The following SERINC5 variants were observed in gnomAD, a reference collection of about 807,000 sequenced individuals.
SERINC5 encodes the protein serine incorporator 5.
In SERINC5, 41 loss-of-function variants were observed where a neutral mutation model predicts 63.1. That is an observed-to-expected ratio of 0.65 (90% CI 0.51 to 0.84). The LOEUF (loss-of-function observed/expected upper bound fraction) is 0.84. Among genes scored for constraint, SERINC5 ranks in the 40% least tolerant of loss-of-function variants. The pLI, the probability that SERINC5 is intolerant of heterozygous loss-of-function variation, is 0.00. For missense variants in SERINC5, 523 were observed against 573.0 expected (o/e 0.91, Z 0.89); for synonymous variants, 222 against 215.2 (o/e 1.03, Z -0.28).
intron 1 of SERINC5, among the ~76,000 whole-genome samples, chr5:80,217,233 C>T (rs59409867): frequency 0.19 from 28,262 of 151,948 alleles, 3,270 homozygotes; most frequent in African/African-American, 0.33. Flanking sequence ...GGCAGAAACC[C>T]TGCTCGTTCT....
Position 80,163,656 on chromosome 5 carries a change from G to GT in SERINC5, c.859+2726dup, listed in dbSNP as rs60267681. On this transcript the variant is annotated intron_variant, in intron 7 of 11. Transcript: ENST00000507668. ...TAATTCTGTTTATGTAATATGTAAT[G>GT]TATGATGTATCATATTTATTAATTT... 9.3e-3 allele frequency among the ~76,000 whole-genome samples: 1,407 copies of GT among 151,934 alleles called. 21 individuals carry two copies. Among genetic ancestry groups the GT allele is most frequent in the African/African-American group, 0.032 (1,335 of 41,432 alleles).
At chr5:80,182,554 C>CCT (rs1554065203) in intron 2 of SERINC5, among the ~76,000 whole-genome samples, 8 of 48,392 alleles carry the variant, frequency 1.7e-4, no homozygotes, top group African/African-American at 9.3e-4. Flanking sequence ...GCCCCCCCCC[C>CCT]CTCCGCTTTT....
chr5:80,186,598 T>TA (rs1748826741), intron 2 of SERINC5, among the ~76,000 whole-genome samples: 1 of 152,092 alleles, frequency 6.6e-6, no homozygotes, highest in Non-Finnish European at 1.5e-5. Flanking sequence ...AAACAAGTAA[T>TA]AAACTCAACA....
intron 1 of SERINC5, among the ~76,000 whole-genome samples, chr5:80,251,397 G>C (rs937854523): frequency 6.6e-6 from 1 of 151,994 alleles, no homozygotes; most frequent in Non-Finnish European, 1.5e-5. Context: ...GAAATACCTG[G>C]GCCTGGGCAT....
chr5:80,252,660 G>T (rs58850634), intron 1 of SERINC5, among the ~76,000 whole-genome samples: 52,157 of 152,006 alleles, frequency 0.34, 9,262 homozygotes, highest in East Asian at 0.56. Flanking sequence ...GATTTGGGGG[G>T]TTCCTCACAC....
intron 8 of SERINC5, among the ~76,000 whole-genome samples, chr5:80,153,736 T>C (rs764497162): frequency 6.6e-6 from 1 of 151,806 alleles, no homozygotes; most frequent in Non-Finnish European, 1.5e-5. Context: ...GCGTGTTTAC[T>C]GTCTCTGCCT....
intron 1 of SERINC5, among the ~76,000 whole-genome samples, chr5:80,221,531 C>T (rs1475381044): frequency 6.6e-6 from 1 of 152,110 alleles, no homozygotes; most frequent in East Asian, 1.9e-4. Context: ...GATGAATACA[C>T]AAAAATATTA....
chr5:80,173,406 T>C (rs1747806606), intron 5 of SERINC5, among the ~76,000 whole-genome samples: 1 of 151,968 alleles, frequency 6.6e-6, no homozygotes, highest in East Asian at 1.9e-4. Flanking sequence ...CCATCCTGGC[T>C]AACACGGTGA....
chr5:80,181,657 C>CT (rs147711800), intron 2 of SERINC5, among the ~76,000 whole-genome samples: 39 of 151,662 alleles, frequency 2.6e-4, no homozygotes, highest in African/African-American at 5.3e-4. Flanking sequence ...TTTTTTATGA[C>CT]TTTTTTTTTA....
intron 7 of SERINC5, among the ~76,000 whole-genome samples, chr5:80,162,918 CT>C: frequency 6.6e-6 from 1 of 151,472 alleles, no homozygotes; most frequent in South Asian, 2.1e-4. Flanking sequence ...GCGATCTTGG[CT>C]AGTGAGCCAA....
At chr5:80,205,960 G>A (rs1313084872) in intron 1 of SERINC5, among the ~76,000 whole-genome samples, 6 of 143,210 alleles carry the variant, frequency 4.2e-5, no homozygotes, top group East Asian at 2.1e-4. Context: ...AATATTAGCC[G>A]GGTGTGGTGG....
intron 2 of SERINC5, among the ~76,000 whole-genome samples, chr5:80,191,689 A>G (rs1749201478): frequency 1.3e-5 from 2 of 150,548 alleles, no homozygotes; most frequent in Admixed American, 6.6e-5. Flanking sequence ...AAGAAAAAAA[A>G]AAAGACTTTT....
At chr5:80,187,894 AGACT>A (rs541834802) in intron 2 of SERINC5, among the ~76,000 whole-genome samples, 66 of 152,334 alleles carry the variant, frequency 4.3e-4, no homozygotes, top group African/African-American at 1.4e-3. Context: ...AACTCCCAGA[AGACT>A]GACTAATTAA....
chr5:80,178,886 A>G (rs975266849), intron 2 of SERINC5, among the ~76,000 whole-genome samples: 29 of 152,272 alleles, frequency 1.9e-4, no homozygotes, highest in African/African-American at 6.7e-4. Flanking sequence ...TCACATATAC[A>G]TATACATACA....
chr5:80,230,479 A>T (rs12520486), intron 1 of SERINC5, among the ~76,000 whole-genome samples: 1 of 142,578 alleles, frequency 7.0e-6, no homozygotes, highest in Non-Finnish European at 1.5e-5. Flanking sequence ...ATTGCTCTTC[A>T]AATTTGTTTG....
At chr5:80,210,195 G>C (rs1248189100) in intron 1 of SERINC5, among the ~76,000 whole-genome samples, 1 of 152,122 alleles carries the variant, frequency 6.6e-6, no homozygotes, top group Non-Finnish European at 1.5e-5. Context: ...AAAATCTTTC[G>C]AAGAGCCTGG....
downstream of SERINC5, among the ~76,000 whole-genome samples, chr5:80,135,283 G>A (rs1020829657): frequency 2.6e-5 from 4 of 152,070 alleles, no homozygotes; most frequent in Admixed American, 6.6e-5. Flanking sequence ...ATCCTCCCGC[G>A]TCAGCCTCCC....
chr5:80,172,692 T>C (rs1747742732), intron 5 of SERINC5, among the ~76,000 whole-genome samples: 1 of 151,530 alleles, frequency 6.6e-6, no homozygotes, highest in Non-Finnish European at 1.5e-5. Context: ...GAGAGAAAAA[T>C]GGGATTTTAA....
intron 11 of SERINC5, among the ~76,000 whole-genome samples, chr5:80,125,706 G>A (rs1744721790): frequency 1.3e-5 from 2 of 152,186 alleles, no homozygotes; most frequent in African/African-American, 4.8e-5. Flanking sequence ...AGACTCAGCT[G>A]GGCAGTTGCT....
Sources: allele counts gnomAD v4.1 joint callset (sites outside exome capture counted in the v4.1 genomes callset), GRCh38; gene constraint gnomAD v4.1.1; transcripts MANE v1.5; gene names NCBI Gene and HGNC (gene_info 2026-07-23, HGNC 2026-07-21).